The following NOC3L variants were observed in gnomAD, a reference collection of about 807,000 sequenced individuals.
NOC3L encodes NOC3 like DNA replication regulator.
Under a neutral mutation model 102.5 loss-of-function variants are expected in NOC3L, and 85 were observed. The observed-to-expected ratio is 0.83, with a 90% CI of 0.70 to 0.99. The LOEUF is 0.99. NOC3L is among the 50% of genes least tolerant of loss of function. NOC3L has a pLI of 0.00. For synonymous variants in NOC3L, 303 were observed against 309.4 expected, an observed-to-expected ratio of 0.98 and a Z score of 0.22; for missense variants, 878 against 914.9, an observed-to-expected ratio of 0.96 and a Z score of 0.52.
chr10:94,359,956 A>G (rs79193572), intron 2 of NOC3L, among the ~76,000 whole-genome samples: 9,388 of 152,320 alleles, frequency 0.062, 381 homozygotes, highest in Middle Eastern at 0.14. Flanking sequence ...TCCCATGTTC[A>G]TTCAGCACTA....
the NOC3L span, among the ~76,000 whole-genome samples, chr10:94,324,081 T>A: frequency 6.6e-6 from 1 of 152,192 alleles, no homozygotes; most frequent in Non-Finnish European, 1.5e-5. Flanking sequence ...GGAATCTACT[T>A]AACCTGTCTT....
At chr10:94,336,359 T>A (rs935719546) in intron 19 of NOC3L, among the ~76,000 whole-genome samples, 1 of 151,970 alleles carries the variant, frequency 6.6e-6, no homozygotes, top group Non-Finnish European at 1.5e-5. Flanking sequence ...TTTCTGTTTT[T>A]TTTTTTTCAG....
chr10:94,338,068 C>G (rs2054243074), intron 18 of NOC3L, among the ~76,000 whole-genome samples, 194 bp from the exon 19 acceptor site: 1 of 152,190 alleles, frequency 6.6e-6, no homozygotes, highest in Admixed American at 6.5e-5. Context: ...AAACACAAAT[C>G]AAGTTACCAG....
At chr10:94,321,538 G>A in the NOC3L span, among the ~76,000 whole-genome samples, 10 of 150,648 alleles carry the variant, frequency 6.6e-5, no homozygotes, top group African/African-American at 2.0e-4. Flanking sequence ...TGAGGCAGGA[G>A]AATTGCTTGA....
intron 3 of NOC3L, 76 bp from the exon 4 acceptor site, chr10:94,357,407 T>A: frequency 7.5e-7 from 1 of 1,324,522 alleles, no homozygotes; most frequent in Non-Finnish European, 9.8e-7. Context: ...ATTTCAAAAG[T>A]ACAGAAAAAC....
chr10:94,319,864 C>CTTTTTTTTTTTTTTTTTTTTTT, the NOC3L span, among the ~76,000 whole-genome samples: 9 of 92,932 alleles, frequency 9.7e-5, 1 homozygote, highest in African/African-American at 1.5e-4. Context: ...CAAAGGTGCT[C>CTTTTTTTTTTTTTTTTTTTTTT]TTTTTTTTTT....
chr10:94,347,396 C>G (rs1047432118), intron 10 of NOC3L, among the ~76,000 whole-genome samples: 1 of 152,098 alleles, frequency 6.6e-6, no homozygotes, highest in Non-Finnish European at 1.5e-5. Context: ...CAAAATATCA[C>G]CTACCAACGA....
rs751909042 is a variant in NOC3L, at chr10:94,340,470, G to A, written c.1671C>T (p.His557=). The A allele has an allele frequency of 7.8e-7, 1 of 1,273,910 alleles. No homozygotes were observed. Among genetic ancestry groups the A allele is most frequent in the South Asian group, 1.2e-5 (1 of 85,418 alleles). The allele number at this position is 1,273,910 out of a possible 1,614,324, so 78.9% of individuals were successfully genotyped here. ...SGDLSYQESL[H]CVQTAFHILS... ...GAATATGAAAAGCAGTCTGGACACA[G>A]TGAAGACTTTCTTGATAGCTTAGGT... The change falls in exon 15 of 21, where the codon CAC becomes CAT. Residue 557 remains histidine, a synonymous_variant. Transcript: ENST00000371361.
chr10:94,344,370 C>T (rs775788325), intron 13 of NOC3L, 45 bp downstream of exon 13: 17 of 1,309,784 alleles, frequency 1.3e-5, no homozygotes, highest in East Asian at 2.3e-5. Context: ...TTGGTCTTTC[C>T]TATTTAGAAG....
At chr10:94,347,177 G>A (rs2054354387) in intron 10 of NOC3L, among the ~76,000 whole-genome samples, 1 of 152,120 alleles carries the variant, frequency 6.6e-6, no homozygotes, top group Admixed American at 6.5e-5. Context: ...AGGCACAGCA[G>A]CATTCCTGGA....
chr10:94,319,864 CTTTTTTTTTT>C, the NOC3L span, among the ~76,000 whole-genome samples: 17 of 92,912 alleles, frequency 1.8e-4, no homozygotes, highest in South Asian at 7.7e-4. Flanking sequence ...CAAAGGTGCT[CTTTTTTTTTT>C]TTTTTTTTTT....
intron 14 of NOC3L, among the ~76,000 whole-genome samples, chr10:94,341,445 AG>A (rs2054284302): frequency 6.6e-6 from 1 of 151,148 alleles, no homozygotes; most frequent in Non-Finnish European, 1.5e-5. Flanking sequence ...AAAAAAAAAA[AG>A]AAAACAGGTC....
the NOC3L span, among the ~76,000 whole-genome samples, chr10:94,322,741 T>C: frequency 1.3e-5 from 2 of 150,780 alleles, no homozygotes; most frequent in African/African-American, 4.9e-5. Context: ...GCCGAGATCA[T>C]GCCATTGCGC....
chr10:94,352,638 G>A (rs1469392012), intron 7 of NOC3L, among the ~76,000 whole-genome samples: 1 of 152,002 alleles, frequency 6.6e-6, no homozygotes, highest in Non-Finnish European at 1.5e-5. Context: ...CCTGGCCAAC[G>A]TGGGGAAACC....
chr10:94,344,334 A>G, intron 13 of NOC3L, 81 bp downstream of exon 13: 1 of 798,726 alleles, frequency 1.3e-6, no homozygotes, highest in Non-Finnish European at 2.1e-6. Flanking sequence ...ATAATGGGCC[A>G]TCATTAGGGA....
At chr10:94,322,150 G>A in the NOC3L span, 2,453 of 1,243,734 alleles carry the variant, frequency 2.0e-3, 6 homozygotes, top group Non-Finnish European at 2.4e-3. Flanking sequence ...TTTTATGAGT[G>A]AAGTTCCTCA....
Position 94,353,014 on chromosome 10 carries a change from T to C in NOC3L, c.740A>G (p.Asp247Gly), listed in dbSNP as rs769986236. 1.4e-5 allele frequency: 23 copies of C among 1,613,492 alleles called. No homozygotes were observed. The highest frequency in any genetic ancestry group is 2.5e-6 in the Non-Finnish European group (3 of 1,179,736). Residue 247 changes from aspartate (D) to glycine (G), a missense_variant, in exon 7 of 21, where the codon GAT (aspartate) becomes GGT (glycine). By Grantham distance (94) the Asp-to-Gly change is moderately conservative (BLOSUM62 -1). Coordinates refer to ENST00000371361, the MANE Select transcript of NOC3L (RefSeq NM_022451.11). ...TCGAACAGTAACAGCCACATCAGGA[T>C]CTTGTTCCATCAACATAGAACGTAA... ...KELRSMLMEQ[D>G]PDVAVTVRKL...
chr10:94,345,058 A>G, intron 11 of NOC3L, 125 bp from the exon 12 acceptor site: 2 of 607,826 alleles, frequency 3.3e-6, no homozygotes, highest in Non-Finnish European at 5.6e-6. Context: ...GAATGCAAAT[A>G]TAAACAAAGT....
chr10:94,324,657 G>A, the NOC3L span: 4 of 1,171,764 alleles, frequency 3.4e-6, no homozygotes, highest in Non-Finnish European at 5.1e-6. Flanking sequence ...TGAAATTTAG[G>A]AGAAAGTTCC....
Sources: allele counts gnomAD v4.1 joint callset (sites outside exome capture counted in the v4.1 genomes callset), GRCh38; gene constraint gnomAD v4.1.1; transcripts MANE v1.5; gene names NCBI Gene and HGNC (gene_info 2026-07-23, HGNC 2026-07-21).